The following MACROD2 variants were observed in gnomAD, a reference collection of about 807,000 sequenced individuals.
The protein encoded by MACROD2 is mono-ADP ribosylhydrolase 2, also known as ADP-ribose glycohydrolase MACROD2.
MACROD2 carries 36 observed loss-of-function variants against 70.4 expected under a neutral mutation model. The observed-to-expected ratio is 0.51, with a 90% CI of 0.39 to 0.68. MACROD2 has a LOEUF of 0.68. MACROD2 is among the 30% of genes least tolerant of loss of function. The pLI is 0.00. For synonymous variants in MACROD2, 172 were observed against 178.8 expected (o/e 0.96, Z 0.30); for missense variants, 496 against 538.4 (o/e 0.92, Z 0.78).
intron 6 of MACROD2, among the ~76,000 whole-genome samples, chr20:15,357,727 T>G (rs1196589221): frequency 6.6e-6 from 1 of 152,026 alleles, no homozygotes; most frequent in Non-Finnish European, 1.5e-5. Context: ...AAACACAATA[T>G]TTTTCTGATG....
chr20:15,196,980 C>T, intron 5 of MACROD2: 2 of 985,342 alleles, frequency 2.0e-6, no homozygotes, highest in Non-Finnish European at 1.2e-6. Context: ...CCAAAGAGCA[C>T]ATTTTTTGGA....
chr20:14,069,177 C>T (rs1356378781), intron 2 of MACROD2, among the ~76,000 whole-genome samples: 6 of 152,206 alleles, frequency 3.9e-5, no homozygotes, highest in Non-Finnish European at 7.3e-5. Context: ...AAACTCCTGA[C>T]TTCAAGTGAT....
chr20:15,721,854 C>T (rs2050791795), intron 8 of MACROD2, among the ~76,000 whole-genome samples: 1 of 152,112 alleles, frequency 6.6e-6, no homozygotes, highest in Admixed American at 6.6e-5. Context: ...ATTAGCAAAA[C>T]AGGAGCCCCT....
chr20:15,618,444 G>C (rs2146723990), intron 8 of MACROD2, among the ~76,000 whole-genome samples: 1 of 152,164 alleles, frequency 6.6e-6, no homozygotes, highest in South Asian at 2.1e-4. Context: ...TCCCACACCA[G>C]CCTCATGGTT....
chr20:14,932,257 G>A (rs562541503), intron 5 of MACROD2, among the ~76,000 whole-genome samples: 1 of 152,160 alleles, frequency 6.6e-6, no homozygotes, highest in South Asian at 2.1e-4. Context: ...TTCTAATTTA[G>A]AGTCATTGTT....
intron 5 of MACROD2, among the ~76,000 whole-genome samples, chr20:14,991,782 A>G (rs1291748076): frequency 6.6e-6 from 1 of 152,202 alleles, no homozygotes; most frequent in Non-Finnish European, 1.5e-5. Flanking sequence ...GCTGTCATAG[A>G]CTAGAGTTGG....
intron 5 of MACROD2, among the ~76,000 whole-genome samples, chr20:14,716,184 A>G (rs62202948): frequency 0.058 from 8,876 of 152,234 alleles, 369 homozygotes; most frequent in Non-Finnish European, 0.085. Context: ...TGCTTTATCC[A>G]CATTTTTCTT....
intron 5 of MACROD2, among the ~76,000 whole-genome samples, chr20:14,953,138 T>C (rs2074488826): frequency 6.6e-6 from 1 of 152,090 alleles, no homozygotes; most frequent in Non-Finnish European, 1.5e-5. Flanking sequence ...TATTTTATAA[T>C]GAAATGATAA....
chr20:14,097,011 A>C (rs964643768), intron 3 of MACROD2, among the ~76,000 whole-genome samples: 2 of 152,076 alleles, frequency 1.3e-5, no homozygotes, highest in African/African-American at 4.8e-5. Flanking sequence ...ATTTCTTGCC[A>C]TTGCTGTTTT....
At chr20:15,565,543 T>C (rs1488251240) in intron 8 of MACROD2, among the ~76,000 whole-genome samples, 1 of 152,202 alleles carries the variant, frequency 6.6e-6, no homozygotes, top group African/African-American at 2.4e-5. Context: ...GATACTTGTG[T>C]ATGTAGTTTC....
chr20:15,729,340 G>A (rs2146947535), intron 8 of MACROD2, among the ~76,000 whole-genome samples: 1 of 152,296 alleles, frequency 6.6e-6, no homozygotes, highest in South Asian at 2.1e-4. Context: ...GCCATGTGAA[G>A]ATTAGAAGAA....
chr20:15,852,546 T>G (rs957234257), intron 8 of MACROD2, among the ~76,000 whole-genome samples: 1 of 152,226 alleles, frequency 6.6e-6, no homozygotes, highest in Non-Finnish European at 1.5e-5. Flanking sequence ...TTCTGTGGTG[T>G]TGTGCACAAG....
chr20:14,567,828 A>C (rs1297282703), intron 4 of MACROD2, among the ~76,000 whole-genome samples: 1 of 152,094 alleles, frequency 6.6e-6, no homozygotes, highest in Admixed American at 6.6e-5. Flanking sequence ...AACAAGTTAG[A>C]ATTATAATCA....
intron 4 of MACROD2, among the ~76,000 whole-genome samples, chr20:14,532,588 CTG>C (rs1167623688): frequency 6.6e-6 from 1 of 152,068 alleles, no homozygotes; most frequent in Non-Finnish European, 1.5e-5. Flanking sequence ...TACTGTGTGA[CTG>C]AGATCATTTA....
intron 9 of MACROD2, among the ~76,000 whole-genome samples, chr20:15,867,274 C>T (rs2064506582): frequency 6.6e-6 from 1 of 152,154 alleles, no homozygotes; most frequent in Admixed American, 6.5e-5. Context: ...GTTAGGCCTT[C>T]AACATAAAAA....
chr20:14,117,206 C>T (rs2054527567), intron 3 of MACROD2, among the ~76,000 whole-genome samples: 1 of 152,134 alleles, frequency 6.6e-6, no homozygotes, highest in Admixed American at 6.5e-5. Flanking sequence ...TTTCAAGGTC[C>T]CATTTAACTT....
At chr20:15,461,037 T>A (rs958036297) in intron 7 of MACROD2, among the ~76,000 whole-genome samples, 6 of 139,866 alleles carry the variant, frequency 4.3e-5, no homozygotes, top group African/African-American at 1.5e-4. Flanking sequence ...TCTTGCTGTG[T>A]TGCCCTGGCT....
intron 7 of MACROD2, among the ~76,000 whole-genome samples, chr20:15,472,022 T>A (rs1387312012): frequency 9.9e-5 from 15 of 152,208 alleles, no homozygotes; most frequent in Admixed American, 9.8e-4. Context: ...ATAAAGAGAC[T>A]ACATTTACTG....
At position 14,858,734 on chromosome 20, in the gene MACROD2, G is replaced by A. The variant is rs568156606; in HGVS notation, c.418+173775G>A. 2.6e-5 allele frequency among the ~76,000 whole-genome samples: 4 copies of A among 152,112 alleles called. No individual in the cohort carries two copies. In the South Asian group the frequency reaches 6.3e-4, roughly 24 times the overall value. On this transcript the variant is annotated intron_variant, in intron 5 of 17. Transcript: ENST00000684519. ...GCAAAAAGATTGCAGCATACTCTAC[G>A]CACAGCACTGGGTAGAAATCCCACT...
Sources: gnomAD v4.1 joint callset for allele counts (sites outside exome capture counted in the v4.1 genomes callset) on GRCh38, gnomAD v4.1.1 for gene constraint, MANE v1.5 for transcripts, NCBI Gene and HGNC (gene_info 2026-07-23, HGNC 2026-07-21) for gene names.